Variants in RBMXL1 observed in about 807,000 individuals in gnomAD.
The protein encoded by RBMXL1 is RNA binding motif protein, X-linked-like-1.
RBMXL1 carries 18 observed loss-of-function variants against 29.0 expected under a neutral mutation model. The observed-to-expected ratio is 0.62, with a 90% CI of 0.43 to 0.92. RBMXL1 has a LOEUF of 0.92. RBMXL1 is among the 40% of genes least tolerant of loss of function. The probability of loss-of-function intolerance (pLI) is 0.00; values close to 1 mark genes in which losing one functional copy is unlikely to be tolerated. For missense variants in RBMXL1, 403 were observed against 495.8 expected (o/e 0.81, Z 1.78); for synonymous variants, 141 against 170.4 (o/e 0.83, Z 1.34).
chr1:88,983,600 C>G lies in RBMXL1; in HGVS notation c.227G>C (p.Gly76Ala). ...ARDMNGKSLD[G>A]KAIKVEQATK... is the part of the protein sequence containing the mutation. ...GGCTTGTTCCACCTTGATGGCTTTTCCATCTAATGACTTTCCATTCATGTC... is the reference window on the plus strand; with the variant it reads ...GGCTTGTTCCACCTTGATGGCTTTTGCATCTAATGACTTTCCATTCATGTC... Residue 76 changes from glycine to alanine, a missense_variant, in exon 3 of 3, where the codon GGA (glycine) becomes GCA (alanine). Physicochemically the swap from Gly to Ala is moderately conservative, Grantham distance 60. Coordinates refer to ENST00000652648, the MANE Select transcript of RBMXL1 (RefSeq NM_001162536.3). 1 of 1,614,156 alleles carries G rather than the reference C, an allele frequency of 6.2e-7. No individual in the cohort carries two copies. Among genetic ancestry groups the G allele is most frequent in the East Asian group, 2.2e-5 (1 of 44,882 alleles).
intron 1 of RBMXL1, among the ~76,000 whole-genome samples, chr1:88,992,323 A>C (rs998908377): frequency 6.6e-6 from 1 of 152,244 alleles, no homozygotes; most frequent in African/African-American, 2.4e-5. Flanking sequence ...GCCTTCTAAA[A>C]GCCCAAACAG....
In RBMXL1 at chr1:88,984,027, C is replaced by G; in HGVS notation, c.-201G>C. The G allele has an allele frequency of 4.1e-6, 2 of 490,124 alleles. No individual in the cohort carries two copies. The highest frequency in any genetic ancestry group is 4.3e-5 in the South Asian group (2 of 46,536). The allele number at this position is 490,124 out of a possible 1,614,324, so 30.4% of individuals were successfully genotyped here. On this transcript the variant is annotated 5_prime_UTR_variant, in exon 3 of 3. Coordinates refer to ENST00000652648, the MANE Select transcript of RBMXL1 (RefSeq NM_001162536.3). ...TTCAAAAAACCAGGAAAATTACTTT[C>G]TTTTGCCACTAGATGGCAGAGGAAA...
At chr1:88,987,151 T>C (rs1371580434) in intron 2 of RBMXL1, among the ~76,000 whole-genome samples, 1 of 152,214 alleles carries the variant, frequency 6.6e-6, no homozygotes, top group Non-Finnish European at 1.5e-5. Flanking sequence ...ATTCCAGATA[T>C]GTAGAATTAG....
In RBMXL1 at chr1:88,983,312, CG is replaced by C. The variant is rs1424364970; in HGVS notation, c.514del (p.Arg172AlafsTer181). 1.2e-6 allele frequency: 2 copies of C among 1,614,056 alleles called. No homozygotes were observed. The highest frequency in any genetic ancestry group is 4.5e-5 in the East Asian group (2 of 44,878). ...TCTTCCTCCCATTCCACTGCTGCTG[CG>C]AACTAGTCCTGAAGGTGCAGATCTC... The part of the protein sequence containing the change: ...PKRSAPSGLV[R>X]SSSGMGGRAP... On this transcript the variant is annotated frameshift_variant, in exon 3 of 3. Transcript: ENST00000652648. LOFTEE classifies it high-confidence loss of function.
chr1:88,984,278 A>C (rs1413093063), intron 2 of RBMXL1, among the ~76,000 whole-genome samples: 1 of 130,878 alleles, frequency 7.6e-6, no homozygotes, highest in Admixed American at 9.4e-5. Flanking sequence ...GCAGCGGCGC[A>C]ATCTTGGCTC....
At chr1:88,988,464 A>C in intron 1 of RBMXL1, 113 bp from the exon 2 acceptor site, 1 of 564,514 alleles carries the variant, frequency 1.8e-6, no homozygotes, top group South Asian at 3.2e-5. Context: ...CCAAGTAAAC[A>C]TTTTTGATAA....
intron 1 of RBMXL1, among the ~76,000 whole-genome samples, chr1:88,988,861 G>A (rs1032122702): frequency 3.3e-5 from 5 of 152,316 alleles, no homozygotes; most frequent in Admixed American, 2.0e-4. Flanking sequence ...GAATATATGA[G>A]TGAATCTTAG....
Position 88,991,613 on chromosome 1 carries a change from G to C in RBMXL1, c.-341+972C>G, listed in dbSNP as rs563672914. Among the ~76,000 whole-genome samples the C allele has an allele frequency of 5.3e-4, 80 of 152,342 alleles. 1 individual carries two copies. The highest frequency in any genetic ancestry group is 3.4e-3 in the Middle Eastern group (1 of 294). ...CTTCAAAGCCACGTCTTTAGAACAA[G>C]AGCGGAAAGAATTAGCCAAAGTTGG... On this transcript the variant is annotated intron_variant, in intron 1 of 2. Transcript: ENST00000652648.
chr1:88,988,223 T>C (rs527416134), intron 2 of RBMXL1, 29 bp downstream of exon 2: 1 of 1,456,606 alleles, frequency 6.9e-7, no homozygotes, highest in Non-Finnish European at 9.6e-7. Context: ...ATATGTACAA[T>C]AATTTATCTG....
intron 1 of RBMXL1, among the ~76,000 whole-genome samples, chr1:88,990,476 G>C (rs1345902268): frequency 3.3e-5 from 5 of 152,136 alleles, no homozygotes; most frequent in African/African-American, 1.2e-4. Flanking sequence ...TGGACATTTT[G>C]CAATTCTCAC....
chr1:88,988,409 TCAGACACTTA>T, intron 1 of RBMXL1, 58 bp from the exon 2 acceptor site: 1 of 953,506 alleles, frequency 1.0e-6, no homozygotes, highest in Non-Finnish European at 1.7e-6. Context: ...TACATCACTA[TCAGACACTTA>T]CAGCTAGCTG....
At position 88,982,817 on chromosome 1, in the gene RBMXL1, C is replaced by T. The variant is rs754134807; in HGVS notation, c.1010G>A (p.Ser337Asn). ...TTCTTGTCTGCCAACCCTGTCACAA[C>T]TTGAGTAGAGATCACTTCGGCTGCT... ...YSSSRSDLYS[S>N]CDRVGRQERG... is the part of the protein sequence containing the mutation. Residue 337 changes from serine to asparagine, a missense_variant, in exon 3 of 3, where the codon AGT becomes AAT. Coordinates refer to ENST00000652648, the MANE Select transcript of RBMXL1 (RefSeq NM_001162536.3). 3.1e-6 allele frequency: 5 copies of T among 1,613,990 alleles called. No homozygotes were observed. The highest frequency in any genetic ancestry group is 2.5e-6 in the Non-Finnish European group (3 of 1,179,874).
chr1:88,984,991 T>C (rs1035938562), intron 2 of RBMXL1, among the ~76,000 whole-genome samples: 10 of 152,260 alleles, frequency 6.6e-5, no homozygotes, highest in Non-Finnish European at 1.3e-4. Flanking sequence ...CACATGTTCA[T>C]TTTTATATTT....
In RBMXL1 at chr1:88,982,883, C is replaced by T; in HGVS notation, c.944G>A (p.Ser315Asn). 6.2e-7 allele frequency: 1 copy of T among 1,613,960 alleles called. No individual in the cohort carries two copies. Among genetic ancestry groups the T allele is most frequent in the Admixed American group, 1.7e-5 (1 of 60,024 alleles). The change falls in exon 3 of 3, where the codon AGC (serine) becomes AAC (asparagine). Residue 315 changes from serine to asparagine, a missense_variant. Transcript: ENST00000652648. The part of the protein sequence containing the change: ...GGSSRYDDYS[S>N]SRDGYGGSRD... ...ACTTCCACCATATCCATCACGTGAG[C>T]TGCTATAATCATCATAGCGACTGCT...
Position 88,982,526 on chromosome 1 carries a change from A to G in RBMXL1, c.*128T>C, listed in dbSNP as rs544902023. On this transcript the variant is annotated 3_prime_UTR_variant, in exon 3 of 3. Transcript: ENST00000652648. ...AACATAAAAATTACGGAAGGGACTT[A>G]ACAGGGAATTTAAAAAAGGTAACAC... 3.0e-6 allele frequency: 4 copies of G among 1,349,504 alleles called. No homozygotes were observed. In the East Asian group the frequency reaches 9.8e-5, roughly 33 times the overall value. 83.6% of individuals were successfully genotyped at this position (1,349,504 alleles called of 1,614,324 possible). A position where few individuals can be genotyped will look rare whatever the true frequency, so the allele number is the denominator to read the frequency against.
chr1:88,979,842 T>C lies in RBMXL1; in HGVS notation c.*2812A>G, dbSNP rs562700901. On this transcript the variant is annotated 3_prime_UTR_variant, in exon 3 of 3. Transcript: ENST00000652648. ...TATTTACCCAAGAGAAAGGAAAACCTATGTCTACACAGTGGCTTGTACACA... is the reference window on the plus strand; with the variant it reads ...TATTTACCCAAGAGAAAGGAAAACCCATGTCTACACAGTGGCTTGTACACA... 6.6e-6 allele frequency: 1 copy of C among 152,344 alleles called. No individual in the cohort carries two copies. The highest frequency in any genetic ancestry group is 2.1e-4 in the South Asian group (1 of 4,828). The allele number at this position is 152,344 out of a possible 1,614,324, so 9.4% of individuals were successfully genotyped here.
In RBMXL1 at chr1:88,983,701, G is replaced by A. The variant is rs745660208; in HGVS notation, c.126C>T (p.Asp42=). ...ATCCTCTTGATTTGTTGGTTTCACG[G>A]TCTTTTATCAAGAGTACTTCCACTA... is the stretch of plus-strand genomic sequence containing the variant. ...GRIVEVLLIK[D]RETNKSRGFA... The change falls in exon 3 of 3, where the codon GAC becomes GAT. Residue 42 remains aspartate (D), a synonymous_variant. Coordinates refer to ENST00000652648, the MANE Select transcript of RBMXL1 (RefSeq NM_001162536.3). The A allele has an allele frequency of 1.2e-6, 2 of 1,613,896 alleles. No individual in the cohort carries two copies. Among genetic ancestry groups the A allele is most frequent in the South Asian group, 2.2e-5 (2 of 91,072 alleles).
chr1:88,988,827 T>C (rs1046781403), intron 1 of RBMXL1, among the ~76,000 whole-genome samples: 4 of 152,210 alleles, frequency 2.6e-5, no homozygotes, highest in Admixed American at 2.0e-4. Context: ...AGACGAATGA[T>C]AGTAGGTCCT....
rs566930202 is a variant in RBMXL1, at chr1:88,987,480, T to C, written c.-241+772A>G. On this transcript the variant is annotated intron_variant, in intron 2 of 2. Coordinates refer to ENST00000652648, the MANE Select transcript of RBMXL1 (RefSeq NM_001162536.3). ...AACCAGTTGAGAGATTAGAATTAGG[T>C]TGAATACAAAATTGTCAATATTCAA... is the stretch of plus-strand genomic sequence containing the variant. 7.9e-5 allele frequency among the ~76,000 whole-genome samples: 12 copies of C among 152,126 alleles called. No individual in the cohort carries two copies. The East Asian group carries it at 1.9e-3, about 24-fold the overall frequency.
Sources: gnomAD v4.1 joint callset for allele counts (sites outside exome capture counted in the v4.1 genomes callset) on GRCh38, gnomAD v4.1.1 for gene constraint, MANE v1.5 for transcripts, NCBI Gene and HGNC (gene_info 2026-07-23, HGNC 2026-07-21) for gene names.